Variants in RBFOX1 observed in about 807,000 individuals in gnomAD.
RBFOX1 encodes RNA binding fox-1 homolog 1.
A neutral mutation model predicts 57.7 loss-of-function variants in RBFOX1; 8 were observed. The observed-to-expected ratio is 0.14, with a 90% CI of 0.08 to 0.25. The LOEUF (loss-of-function observed/expected upper bound fraction) is 0.25. Among genes scored for constraint, RBFOX1 ranks in the 10% least tolerant of loss-of-function variants. RBFOX1 has a pLI of 1.00. For synonymous variants in RBFOX1, 326 were observed against 222.4 expected (o/e 1.47, Z -4.15); for missense variants, 611 against 548.5 (o/e 1.11, Z -1.14).
Position 7,518,051 on chromosome 16 carries a change from C to G in RBFOX1, c.28-96C>G. 1.2e-5 allele frequency: 18 copies of G among 1,459,124 alleles called. No individual in the cohort carries two copies. The South Asian group carries it at 1.6e-4, about 13-fold the overall frequency. The allele number at this position is 1,459,124 out of a possible 1,614,324, so 90.4% of individuals were successfully genotyped here. ...GCACCATGGTGACCCCTAGAAAGTA[C>G]GCGGGGCACGATCGTCCTGGGATCT... On this transcript the variant is annotated intron_variant, in intron 4 of 15. Transcript: ENST00000550418.
chr16:6,999,288 T>G (rs1289592788), intron 3 of RBFOX1, among the ~76,000 whole-genome samples: 1 of 149,714 alleles, frequency 6.7e-6, no homozygotes, highest in African/African-American at 2.5e-5. Flanking sequence ...AACTCCTGGG[T>G]TCAAGCGGTC....
At chr16:5,864,926 A>T (rs917310008) in intron 3 of RBFOX1, among the ~76,000 whole-genome samples, 1 of 152,200 alleles carries the variant, frequency 6.6e-6, no homozygotes, top group African/African-American at 2.4e-5. Context: ...TATACTTTTT[A>T]AAAAATGTAT....
chr16:6,767,067 A>G (rs533714619), intron 3 of RBFOX1, among the ~76,000 whole-genome samples: 1 of 152,194 alleles, frequency 6.6e-6, no homozygotes, highest in East Asian at 1.9e-4. Context: ...TCTATTCAGT[A>G]TCCATTTCCT....
At chr16:5,821,225 A>G (rs1430576574) in intron 3 of RBFOX1, among the ~76,000 whole-genome samples, 1 of 151,066 alleles carries the variant, frequency 6.6e-6, no homozygotes, top group Admixed American at 6.6e-5. Context: ...GCCTAAGACT[A>G]CTACTAGGCT....
Position 6,444,940 on chromosome 16 carries a change from T to G in RBFOX1, c.-64+127883T>G, listed in dbSNP as rs538297580. 8.6e-5 allele frequency among the ~76,000 whole-genome samples: 13 copies of G among 151,602 alleles called. No homozygotes were observed. The South Asian group carries it at 2.7e-3, about 32-fold the overall frequency. On this transcript the variant is annotated intron_variant, in intron 2 of 15. Coordinates refer to ENST00000550418, the MANE Select transcript of RBFOX1 (RefSeq NM_018723.4). The stretch of plus-strand genomic sequence containing the variant: ...TCTATGGGTTCCTCTGAAGGCTGAG[T>G]GGAGAATGGATTTGAGGGAGAGTAA...
Position 7,698,985 on chromosome 16 carries a change from G to A in RBFOX1, c.996-10071G>A, listed in dbSNP as rs189478075. Among the ~76,000 whole-genome samples the A allele has an allele frequency of 2.6e-5, 4 of 152,248 alleles. No individual in the cohort carries two copies. The East Asian group carries it at 5.8e-4, about 22-fold the overall frequency. ...GCAGAATTTTAAAAAATGGAATGGTGGTTATCAAATTCTAGAAGAATGCAC... is the reference window on the plus strand; with the variant it reads ...GCAGAATTTTAAAAAATGGAATGGTAGTTATCAAATTCTAGAAGAATGCAC... On this transcript the variant is annotated intron_variant, in intron 14 of 15. Coordinates refer to ENST00000550418, the MANE Select transcript of RBFOX1 (RefSeq NM_018723.4).
rs572562677 is a variant in RBFOX1 at position 7,346,415 on chromosome 16, G to A, written c.28-171732G>A. On this transcript the variant is annotated intron_variant, in intron 4 of 15. Transcript: ENST00000550418. ...TAGGAGCTTCATTAAGGAGCATTTT[G>A]TACAGTTCCTTCCTGGGAATGGACA... 3.9e-5 allele frequency among the ~76,000 whole-genome samples: 6 copies of A among 152,132 alleles called. No individual in the cohort carries two copies. In the South Asian group the frequency reaches 1.2e-3, roughly 32 times the overall value.
chr16:7,453,430 C>T (rs1445923839), intron 4 of RBFOX1, among the ~76,000 whole-genome samples: 2 of 152,096 alleles, frequency 1.3e-5, no homozygotes, highest in Admixed American at 1.3e-4. Flanking sequence ...TCTTGCCGGC[C>T]ATGATCGGGA....
intron 5 of RBFOX1, among the ~76,000 whole-genome samples, chr16:7,562,019 G>GA (rs145430474): frequency 6.4e-4 from 95 of 148,982 alleles, no homozygotes; most frequent in Admixed American, 9.4e-4. Flanking sequence ...AGGAGATGAG[G>GA]AAAAAAAAAA....
At chr16:5,729,721 C>A (rs780311692) in intron 3 of RBFOX1, among the ~76,000 whole-genome samples, 2 of 152,190 alleles carry the variant, frequency 1.3e-5, no homozygotes. Flanking sequence ...TTTTATTCTT[C>A]TACTCTTATC....
intron 2 of RBFOX1, among the ~76,000 whole-genome samples, chr16:6,593,543 T>C (rs2097744575): frequency 6.6e-6 from 1 of 152,168 alleles, no homozygotes; most frequent in Non-Finnish European, 1.5e-5. Flanking sequence ...AATCGAGGAT[T>C]GTGGCTTTGC....
At chr16:6,228,631 G>A (rs2152897713) in intron 1 of RBFOX1, among the ~76,000 whole-genome samples, 1 of 152,264 alleles carries the variant, frequency 6.6e-6, no homozygotes, top group Non-Finnish European at 1.5e-5. Context: ...TAGAAACAGA[G>A]TAAAATGGTG....
chr16:5,249,584 C>A (rs62019127), intron 1 of RBFOX1, among the ~76,000 whole-genome samples: 122,111 of 152,202 alleles, frequency 0.8, 49,155 homozygotes, highest in East Asian at 0.94. Context: ...ATTGGGCCAG[C>A]TGAGAGGGTC....
At chr16:6,954,092 C>G (rs2081295610) in intron 3 of RBFOX1, among the ~76,000 whole-genome samples, 1 of 152,142 alleles carries the variant, frequency 6.6e-6, no homozygotes, top group Non-Finnish European at 1.5e-5. Context: ...TAAAGTGTAA[C>G]AGACAACACT....
chr16:6,251,590 G>A (rs1257437867), intron 1 of RBFOX1, among the ~76,000 whole-genome samples: 1 of 152,066 alleles, frequency 6.6e-6, no homozygotes, highest in Non-Finnish European at 1.5e-5. Context: ...TGGAGGTAGG[G>A]GGAGAGAGAG....
intron 1 of RBFOX1, among the ~76,000 whole-genome samples, chr16:5,283,791 GATTTGCCTTGTGTCAC>G (rs2063328427): frequency 1.3e-5 from 2 of 152,206 alleles, no homozygotes; most frequent in Admixed American, 1.3e-4. Flanking sequence ...AGGCGGAAGG[GATTTGCCTTGTGTCAC>G]ATGAGACTTT....
chr16:6,411,327 A>G (rs1478027214), intron 2 of RBFOX1, among the ~76,000 whole-genome samples: 1 of 152,192 alleles, frequency 6.6e-6, no homozygotes, highest in Non-Finnish European at 1.5e-5. Flanking sequence ...CTGTGACAAA[A>G]GAGCCATGTG....
chr16:7,524,261 G>A (rs958638608), intron 5 of RBFOX1, among the ~76,000 whole-genome samples: 4 of 152,156 alleles, frequency 2.6e-5, no homozygotes, highest in African/African-American at 9.7e-5. Flanking sequence ...CTGTAAAAGG[G>A]AAGGAGGATG....
intron 3 of RBFOX1, among the ~76,000 whole-genome samples, chr16:6,965,471 G>A (rs1020398578): frequency 1.3e-5 from 2 of 151,946 alleles, no homozygotes; most frequent in Non-Finnish European, 2.9e-5. Context: ...CCAGTAGCTG[G>A]GATTACAGGC....
Sources: allele counts gnomAD v4.1 joint callset (sites outside exome capture counted in the v4.1 genomes callset), GRCh38; gene constraint gnomAD v4.1.1; transcripts MANE v1.5; gene names NCBI Gene and HGNC (gene_info 2026-07-23, HGNC 2026-07-21).